The following SLC25A11 variants were observed in gnomAD, a reference collection of about 807,000 sequenced individuals.
SLC25A11 encodes the protein solute carrier family 25 member 11, also known as mitochondrial 2-oxoglutarate/malate carrier protein.
In SLC25A11, 11 loss-of-function variants were observed where a neutral mutation model predicts 32.7. The observed-to-expected ratio is 0.34, with a 90% CI of 0.21 to 0.56. The LOEUF (loss-of-function observed/expected upper bound fraction) is 0.56. Ranked by LOEUF, SLC25A11 falls within the 20% of genes least tolerant of loss-of-function variation. The pLI is 0.90. For missense variants in SLC25A11, 295 were observed against 426.3 expected, an observed-to-expected ratio of 0.69 and a Z score of 2.71; for synonymous variants, 163 against 168.3, an observed-to-expected ratio of 0.97 and a Z score of 0.24.
At position 4,938,509 on chromosome 17, in the gene SLC25A11, C is replaced by T; in HGVS notation, c.546+3G>A. On this transcript the variant is annotated splice_donor_region_variant and intron_variant, in intron 4 of 7. Coordinates refer to ENST00000225665, the MANE Select transcript of SLC25A11 (RefSeq NM_003562.5). This position sits in a 1 kb window ranked among gnomAD's most constrained non-coding sequence, Gnocchi z 7.6. ...CCCCCAAGTCTCCAGCCCCTCCACT[C>T]ACCCGCCACAGTGTGAGGACACCCT... 6.2e-7 allele frequency: 1 copy of T among 1,613,956 alleles called. No individual in the cohort carries two copies.
In SLC25A11 at chr17:4,939,499, G is replaced by A. The variant is rs1184130070; in HGVS notation, c.96-287C>T. On this transcript the variant is annotated intron_variant, in intron 1 of 7. Coordinates refer to ENST00000225665, the MANE Select transcript of SLC25A11 (RefSeq NM_003562.5). This position sits in a 1 kb window ranked among gnomAD's most constrained non-coding sequence, Gnocchi z 4.1. ...GTCCGACACAGGGAGGGGAGGAAGG[G>A]GCATCCAAGATTTAGGACTCCAGGT... 2 of 575,714 alleles carry A rather than the reference G, an allele frequency of 3.5e-6. No individual in the cohort carries two copies. The highest frequency in any genetic ancestry group is 2.2e-5 in the South Asian group (1 of 45,546). 35.7% of individuals were successfully genotyped at this position (575,714 alleles called of 1,614,324 possible).
Position 4,938,106 on chromosome 17 carries a change from C to G in SLC25A11, c.738-32G>C. ...GAGAGGACGCAGGGGCATGAGAGAC[C>G]GAAAGGGCACCCTCCCACCCACCTC... On this transcript the variant is annotated intron_variant, in intron 6 of 7. Transcript: ENST00000225665. This position sits in a 1 kb window ranked among gnomAD's most constrained non-coding sequence, Gnocchi z 7.6. The G allele has an allele frequency of 6.2e-7, 1 of 1,614,114 alleles. No individual in the cohort carries two copies. Among genetic ancestry groups the G allele is most frequent in the Non-Finnish European group, 8.5e-7 (1 of 1,180,002 alleles).
Position 4,938,757 on chromosome 17 carries a change from C to T in SLC25A11, c.455+12G>A, listed in dbSNP as rs1970512631. On this transcript the variant is annotated intron_variant, in intron 3 of 7. Coordinates refer to ENST00000225665, the MANE Select transcript of SLC25A11 (RefSeq NM_003562.5). The surrounding 1 kb of genome is among the most constrained non-coding windows in gnomAD (Gnocchi z 7.6). Reference sequence around the variant, plus strand: ...GAATGGGGCTGGGGTTAGGTTCAGACTTGGAACTCACCGGCCATCGGCAGT... The same window carrying T: ...GAATGGGGCTGGGGTTAGGTTCAGATTTGGAACTCACCGGCCATCGGCAGT... 1 of 1,606,672 alleles carries T rather than the reference C, an allele frequency of 6.2e-7. No individual in the cohort carries two copies. The highest frequency in any genetic ancestry group is 1.1e-5 in the South Asian group (1 of 90,222).
rs753500517 is a variant in SLC25A11 at position 4,938,449 on chromosome 17, G to C, written c.547-20C>G. On this transcript the variant is annotated intron_variant, in intron 4 of 7. Transcript: ENST00000225665. The surrounding 1 kb of genome is among the most constrained non-coding windows in gnomAD (Gnocchi z 7.6). ...GCAGCCCTGGAGGGAGGGGAGCGGG[G>C]AAGAGTCAGAAACCCCTAAAACCAG... 6.2e-7 allele frequency: 1 copy of C among 1,614,016 alleles called. No homozygotes were observed. Among genetic ancestry groups the C allele is most frequent in the East Asian group, 2.2e-5 (1 of 44,880 alleles).
rs779023426 is a variant in SLC25A11 at position 4,938,769 on chromosome 17, C to T, written c.455G>A (p.Arg152Gln). Residue 152 changes from arginine to glutamine, a missense_variant and splice_region_variant, in exon 3 of 8, where the codon CGG becomes CAG. Around this residue, in one of 3 missense-constraint regions of SLC25A11, gnomAD observed 49 missense variants for 106.9 expected, o/e 0.46. Transcript: ENST00000225665. This position sits in a 1 kb window ranked among gnomAD's most constrained non-coding sequence, Gnocchi z 7.6. ...GGTTAGGTTCAGACTTGGAACTCAC[C>T]GGCCATCGGCAGTCATGCGGATAAG... ...VALIRMTADGRLPADQRRGYK... is the reference protein window; with the variant it reads ...VALIRMTADGQLPADQRRGYK... The T allele has an allele frequency of 3.1e-6, 5 of 1,607,330 alleles. No homozygotes were observed. The highest frequency in any genetic ancestry group is 3.3e-5 in the Admixed American group (2 of 59,758).
chr17:4,939,882 C>T lies in SLC25A11; in HGVS notation c.29G>A (p.Gly10Asp), dbSNP rs1430405036. MAATASAGA[G>D]GIDGKPRTSP... Reference sequence around the variant, plus strand: ...GGTACGGGGCTTCCCGTCTATCCCGCCGGCCCCGGCACTCGCCGTCGCCGC... The same window carrying T: ...GGTACGGGGCTTCCCGTCTATCCCGTCGGCCCCGGCACTCGCCGTCGCCGC... Residue 10 changes from glycine (G) to aspartate (D), a missense_variant, in exon 1 of 8, where the codon GGC (glycine) becomes GAC (aspartate). Physicochemically the swap from Gly to Asp is moderately conservative, Grantham distance 94. Coordinates refer to ENST00000225665, the MANE Select transcript of SLC25A11 (RefSeq NM_003562.5). The surrounding 1 kb of genome is among the most constrained non-coding windows in gnomAD (Gnocchi z 4.1). 15 of 1,611,666 alleles carry T rather than the reference C, an allele frequency of 9.3e-6. No individual in the cohort carries two copies. Among genetic ancestry groups the T allele is most frequent in the Non-Finnish European group, 9.3e-6 (11 of 1,179,492 alleles).
intron 7 of SLC25A11, 55 bp downstream of exon 7, chr17:4,937,968 A>T (rs907958584): frequency 1.2e-6 from 2 of 1,613,446 alleles, no homozygotes; most frequent in African/African-American, 1.3e-5. Context: ...CTGCCTTCAC[A>T]CCTTTCCCAG....
rs749510276 is a variant in SLC25A11, at chr17:4,938,738, G to A, written c.455+31C>T. ...TTTCATTCTAGATTCGAGGGAATGG[G>A]GCTGGGGTTAGGTTCAGACTTGGAA... On this transcript the variant is annotated intron_variant, in intron 3 of 7. Coordinates refer to ENST00000225665, the MANE Select transcript of SLC25A11 (RefSeq NM_003562.5). This position sits in a 1 kb window ranked among gnomAD's most constrained non-coding sequence, Gnocchi z 7.6. The A allele has an allele frequency of 6.3e-7, 1 of 1,599,538 alleles. No individual in the cohort carries two copies. The highest frequency in any genetic ancestry group is 2.2e-5 in the East Asian group (1 of 44,642).
In SLC25A11 at chr17:4,938,897, C is replaced by G. The variant is rs757481101; in HGVS notation, c.327G>C (p.Leu109=). The G allele has an allele frequency of 3.0e-5, 49 of 1,614,032 alleles. No homozygotes were observed. Among genetic ancestry groups the G allele is most frequent in the Non-Finnish European group, 4.1e-5 (48 of 1,180,038 alleles). Residue 109 remains leucine (L), a synonymous_variant, in exon 3 of 8, where the codon CTG becomes CTC. Coordinates refer to ENST00000225665, the MANE Select transcript of SLC25A11 (RefSeq NM_003562.5). This position sits in a 1 kb window ranked among gnomAD's most constrained non-coding sequence, Gnocchi z 7.6. ...LGIYTVLFER[L]TGADGTPPGF... Reference sequence around the variant, plus strand: ...CAGGGGGAGTACCATCAGCCCCAGTCAGGCGCTCAAACAGCACGGTATAGA... The same window carrying G: ...CAGGGGGAGTACCATCAGCCCCAGTGAGGCGCTCAAACAGCACGGTATAGA...
At position 4,939,509 on chromosome 17, in the gene SLC25A11, A is replaced by G. The variant is rs905215765; in HGVS notation, c.96-297T>C. The G allele has an allele frequency of 1.7e-6, 1 of 575,418 alleles. No individual in the cohort carries two copies. Among genetic ancestry groups the G allele is most frequent in the Non-Finnish European group, 3.1e-6 (1 of 325,092 alleles). The allele number at this position is 575,418 out of a possible 1,614,324, so 35.6% of individuals were successfully genotyped here. On this transcript the variant is annotated intron_variant, in intron 1 of 7. Transcript: ENST00000225665. This position sits in a 1 kb window ranked among gnomAD's most constrained non-coding sequence, Gnocchi z 4.1. ...GGGAGGGGAGGAAGGGGCATCCAAG[A>G]TTTAGGACTCCAGGTAGTCCTGCAG... is the stretch of plus-strand genomic sequence containing the variant.
Position 4,939,882 on chromosome 17 carries a change from C to A in SLC25A11, c.29G>T (p.Gly10Val). 2 of 1,611,666 alleles carry A rather than the reference C, an allele frequency of 1.2e-6. No homozygotes were observed. The highest frequency in any genetic ancestry group is 1.7e-6 in the Non-Finnish European group (2 of 1,179,492). Residue 10 changes from glycine to valine, a missense_variant, in exon 1 of 8, where the codon GGC becomes GTC. Transcript: ENST00000225665. The surrounding 1 kb of genome is among the most constrained non-coding windows in gnomAD (Gnocchi z 4.1). ...GGTACGGGGCTTCCCGTCTATCCCG[C>A]CGGCCCCGGCACTCGCCGTCGCCGC... MAATASAGA[G>V]GIDGKPRTSP...
In SLC25A11 at chr17:4,940,015, C is replaced by T; in HGVS notation, c.-105G>A. On this transcript the variant is annotated 5_prime_UTR_variant, in exon 1 of 8. Transcript: ENST00000225665. ...AGAGCGAGGGCGCGCGCACGCCCCT[C>T]CAGCTCTCAGGTCCGACACCCGCTG... 2.7e-6 allele frequency: 2 copies of T among 738,362 alleles called. No homozygotes were observed. Among genetic ancestry groups the T allele is most frequent in the South Asian group, 5.2e-5 (2 of 38,566 alleles). The allele number at this position is 738,362 out of a possible 1,614,324, so 45.7% of individuals were successfully genotyped here.
chr17:4,938,686 T>C lies in SLC25A11; in HGVS notation c.455+83A>G. Reference sequence around the variant, plus strand: ...AGGCCAGAACAGGTAAACACTCTGCTCCAGATCCGGGATAAAAAACTGGTC... The same window carrying C: ...AGGCCAGAACAGGTAAACACTCTGCCCCAGATCCGGGATAAAAAACTGGTC... On this transcript the variant is annotated intron_variant, in intron 3 of 7. Coordinates refer to ENST00000225665, the MANE Select transcript of SLC25A11 (RefSeq NM_003562.5). The surrounding 1 kb of genome is among the most constrained non-coding windows in gnomAD (Gnocchi z 7.6). 1 of 1,584,870 alleles carries C rather than the reference T, an allele frequency of 6.3e-7. No individual in the cohort carries two copies. Among genetic ancestry groups the C allele is most frequent in the Middle Eastern group, 1.7e-4 (1 of 5,992 alleles).
rs771186014 is a variant in SLC25A11 at position 4,939,877 on chromosome 17, T to C, written c.34A>G (p.Ile12Val). 3 of 1,611,214 alleles carry C rather than the reference T, an allele frequency of 1.9e-6. No homozygotes were observed. The highest frequency in any genetic ancestry group is 8.5e-7 in the Non-Finnish European group (1 of 1,179,392). The change falls in exon 1 of 8, where the codon ATA becomes GTA. Residue 12 changes from isoleucine to valine, a missense_variant. Ile to Val is a conservative substitution (Grantham distance 29). Around this residue, in one of 3 missense-constraint regions of SLC25A11, gnomAD observed 104 missense variants for 121.5 expected, o/e 0.86. Transcript: ENST00000225665. The surrounding 1 kb of genome is among the most constrained non-coding windows in gnomAD (Gnocchi z 4.1). ...AATASAGAGGIDGKPRTSPKS... is the reference protein window; with the variant it reads ...AATASAGAGGVDGKPRTSPKS... ...GGGGAGGTACGGGGCTTCCCGTCTA[T>C]CCCGCCGGCCCCGGCACTCGCCGTC...
Position 4,938,159 on chromosome 17 carries a change from C to T in SLC25A11, c.732G>A (p.Lys244=), listed in dbSNP as rs747741440. Residue 244 remains lysine (K), a synonymous_variant, in exon 6 of 8, where the codon AAG becomes AAA. Transcript: ENST00000225665. This position sits in a 1 kb window ranked among gnomAD's most constrained non-coding sequence, Gnocchi z 7.6. ...TAASMPVDIA[K]TRIQNMRMID... is the part of the protein sequence containing the mutation. The stretch of plus-strand genomic sequence containing the variant: ...GGCCCAGGCTGCACACTCACCGGGT[C>T]TTGGCAATGTCCACAGGCATGGAGG... 5 of 1,614,174 alleles carry T rather than the reference C, an allele frequency of 3.1e-6. No individual in the cohort carries two copies.
chr17:4,937,782 G>C lies in SLC25A11; in HGVS notation c.904C>G (p.Gln302Glu). 1 of 1,613,958 alleles carries C rather than the reference G, an allele frequency of 6.2e-7. No homozygotes were observed. The highest frequency in any genetic ancestry group is 1.1e-5 in the South Asian group (1 of 91,064). Residue 302 changes from glutamine to glutamate, a missense_variant, in exon 8 of 8, where the codon CAG (glutamine) becomes GAG (glutamate). By Grantham distance (29) the Gln-to-Glu change is conservative. Transcript: ENST00000225665. Reference protein sequence around the residue: ...HTVLTFIFLEQMNKAYKRLFL... With the variant: ...HTVLTFIFLEEMNKAYKRLFL... ...AGACGCTTGTAGGCCTTGTTCATCT[G>C]CTCCAAGAAGATGAAGGTGAGGACG... is the stretch of plus-strand genomic sequence containing the variant.
rs1490869375 is a variant in SLC25A11, at chr17:4,939,130, C to G, written c.178G>C (p.Glu60Gln). The stretch of plus-strand genomic sequence containing the variant: ...AGGGCATGGAAGCTGGTTTTGTACT[C>G]TCGAGTCTTGGCCCCTTCCCCGCTC... ...QLSGEGAKTR[E>Q]YKTSFHALTS... is the part of the protein sequence containing the mutation. The change falls in exon 2 of 8, where the codon GAG becomes CAG. Residue 60 changes from glutamate (E) to glutamine (Q), a missense_variant. Around this residue, in one of 3 missense-constraint regions of SLC25A11, gnomAD observed 104 missense variants for 121.5 expected, o/e 0.86. Coordinates refer to ENST00000225665, the MANE Select transcript of SLC25A11 (RefSeq NM_003562.5). The surrounding 1 kb of genome is among the most constrained non-coding windows in gnomAD (Gnocchi z 4.1). 6.2e-7 allele frequency: 1 copy of G among 1,614,200 alleles called. No individual in the cohort carries two copies. Among genetic ancestry groups the G allele is most frequent in the Admixed American group, 1.7e-5 (1 of 60,024 alleles).
chr17:4,939,089 C>T lies in SLC25A11; in HGVS notation c.219G>A (p.Lys73=). ...TGTAAATGCCCCTCAGGCCTTCTGCCTTCAGGATACTGGTGAGGGCATGGA... is the reference window on the plus strand; with the variant it reads ...TGTAAATGCCCCTCAGGCCTTCTGCTTTCAGGATACTGGTGAGGGCATGGA... ...TSFHALTSIL[K]AEGLRGIYTG... The change falls in exon 2 of 8, where the codon AAG becomes AAA. Residue 73 remains lysine, a synonymous_variant. Transcript: ENST00000225665. This position sits in a 1 kb window ranked among gnomAD's most constrained non-coding sequence, Gnocchi z 4.1. 1.2e-6 allele frequency: 2 copies of T among 1,614,220 alleles called. No individual in the cohort carries two copies. Among genetic ancestry groups the T allele is most frequent in the African/African-American group, 1.3e-5 (1 of 75,066 alleles).
chr17:4,937,655 A>G lies in SLC25A11; in HGVS notation c.*86T>C. ...GAAACCACACTGTGGAAGGGAAATA[A>G]ATAGAGGGGTCCAGGGCAGCAGAGC... On this transcript the variant is annotated 3_prime_UTR_variant, in exon 8 of 8. Coordinates refer to ENST00000225665, the MANE Select transcript of SLC25A11 (RefSeq NM_003562.5). 1.4e-6 allele frequency: 2 copies of G among 1,458,410 alleles called. No homozygotes were observed. The highest frequency in any genetic ancestry group is 4.5e-5 in the Admixed American group (2 of 44,454). The allele number at this position is 1,458,410 out of a possible 1,614,324, so 90.3% of individuals were successfully genotyped here.
Sources: gnomAD v4.1 joint callset for allele counts on GRCh38, gnomAD v4.1.1 for gene constraint, gnomAD v4.1.1 regional missense constraint, Gnocchi (gnomAD v3.1) non-coding constraint, MANE v1.5 for transcripts, NCBI Gene and HGNC (gene_info 2026-07-23, HGNC 2026-07-21) for gene names.